The following SCUBE1 variants were observed in gnomAD, a reference collection of about 807,000 sequenced individuals.
SCUBE1 encodes the protein signal peptide, CUB and EGF-like domain-containing protein 1.
SCUBE1 carries 59 observed loss-of-function variants against 124.4 expected under a neutral mutation model. The ratio of observed to expected loss-of-function variants is 0.47; its 90% CI spans 0.38 to 0.59. The LOEUF is 0.59. Among genes scored for constraint, SCUBE1 ranks in the 20% least tolerant of loss-of-function variants. SCUBE1 has a pLI of 0.00. For synonymous variants in SCUBE1, 545 were observed against 550.9 expected, an observed-to-expected ratio of 0.99 and a Z score of 0.15; for missense variants, 1,150 against 1,371.2, an observed-to-expected ratio of 0.84 and a Z score of 2.55.
At chr22:43,221,823 G>C (rs1922102781) in intron 12 of SCUBE1, among the ~76,000 whole-genome samples, 1 of 152,164 alleles carries the variant, frequency 6.6e-6, no homozygotes, top group South Asian at 2.1e-4. Context: ...TAGCACTCTG[G>C]GAGGCCGAGG....
Position 43,210,822 on chromosome 22 carries a change from C to G in SCUBE1, c.2383+100G>C, listed in dbSNP as rs1468905741. ...GGACGGAGCGGGAGGAGTCCAGTGT[C>G]CTCGTGGAGCTCGTGTGAGATCAGG... On this transcript the variant is annotated intron_variant, in intron 18 of 21. Coordinates refer to ENST00000360835, the MANE Select transcript of SCUBE1 (RefSeq NM_173050.5). This position sits in a 1 kb window ranked among gnomAD's most constrained non-coding sequence, Gnocchi z 4.5. 2.1e-5 allele frequency: 29 copies of G among 1,398,412 alleles called. No individual in the cohort carries two copies. Among genetic ancestry groups the G allele is most frequent in the Non-Finnish European group, 2.9e-5 (29 of 1,002,302 alleles). The allele number at this position is 1,398,412 out of a possible 1,614,324, so 86.6% of individuals were successfully genotyped here.
intron 3 of SCUBE1, among the ~76,000 whole-genome samples, chr22:43,293,843 C>T (rs1925461105): frequency 6.6e-6 from 1 of 152,212 alleles, no homozygotes; most frequent in Admixed American, 6.5e-5. Context: ...GCTGAGTTCC[C>T]AGTGCAGAAA....
At chr22:43,216,889 T>A (rs1921839040) in intron 15 of SCUBE1, among the ~76,000 whole-genome samples, 1 of 77,170 alleles carries the variant, frequency 1.3e-5, no homozygotes, top group African/African-American at 5.5e-5. Context: ...GTGTCATCTC[T>A]TTACCAACAG....
At chr22:43,329,577 A>G (rs541051089) in intron 2 of SCUBE1, among the ~76,000 whole-genome samples, 20 of 152,336 alleles carry the variant, frequency 1.3e-4, no homozygotes, top group Non-Finnish European at 7.4e-5. Context: ...TCCTGGAGAG[A>G]GGGGTGCACC....
chr22:43,224,115 G>T (rs187224678), intron 10 of SCUBE1, among the ~76,000 whole-genome samples: 4 of 152,328 alleles, frequency 2.6e-5, no homozygotes, highest in African/African-American at 7.2e-5. Flanking sequence ...CTCATCCTTT[G>T]GTAATTCTGG....
Position 43,255,773 on chromosome 22 carries a change from G to A in SCUBE1, c.727+2446C>T, listed in dbSNP as rs928977988. Among the ~76,000 whole-genome samples, 1 of 152,146 alleles carries A rather than the reference G, an allele frequency of 6.6e-6. No homozygotes were observed. Among genetic ancestry groups the A allele is most frequent in the South Asian group, 2.1e-4 (1 of 4,836 alleles). ...GTTCAGGGCAAAGCAGAGAGGCAGCGAGGGCGGGGGCGGGGGGACGTGCAG... is the reference window on the plus strand; with the variant it reads ...GTTCAGGGCAAAGCAGAGAGGCAGCAAGGGCGGGGGCGGGGGGACGTGCAG... On this transcript the variant is annotated intron_variant, in intron 6 of 21. Coordinates refer to ENST00000360835, the MANE Select transcript of SCUBE1 (RefSeq NM_173050.5). This position sits in a 1 kb window ranked among gnomAD's most constrained non-coding sequence, Gnocchi z 4.7.
chr22:43,230,885 TGCACTGACAGGCAGAA>T (rs1922524311), intron 8 of SCUBE1, among the ~76,000 whole-genome samples: 1 of 152,178 alleles, frequency 6.6e-6, no homozygotes, highest in Non-Finnish European at 1.5e-5. Flanking sequence ...GCCCCTGAGC[TGCACTGACAGGCAGAA>T]GCACAGCCTG....
At chr22:43,254,717 C>A (rs1569507877) in intron 6 of SCUBE1, among the ~76,000 whole-genome samples, 1 of 152,230 alleles carries the variant, frequency 6.6e-6, no homozygotes, top group African/African-American at 2.4e-5. Flanking sequence ...TAGGCGACCA[C>A]AGCTACGCTC....
intron 6 of SCUBE1, among the ~76,000 whole-genome samples, chr22:43,254,395 C>T (rs541358150): frequency 1.3e-5 from 2 of 152,354 alleles, no homozygotes; most frequent in South Asian, 2.1e-4. Context: ...GGACCTCCCT[C>T]CTGCTTCCTC....
intron 17 of SCUBE1, 27 bp downstream of exon 17, chr22:43,212,398 C>T (rs759830264): frequency 1.2e-5 from 18 of 1,501,714 alleles, no homozygotes; most frequent in African/African-American, 7.0e-5. Context: ...TCGGGGTGGG[C>T]GGGCGTGGTG....
chr22:43,301,476 A>G (rs1299264749), intron 3 of SCUBE1, among the ~76,000 whole-genome samples: 1 of 151,944 alleles, frequency 6.6e-6, no homozygotes, highest in Admixed American at 6.5e-5. Context: ...TCCCATCTCC[A>G]GGCCTTGGCA....
intron 3 of SCUBE1, among the ~76,000 whole-genome samples, chr22:43,318,535 C>T (rs929807117): frequency 1.3e-5 from 2 of 152,050 alleles, no homozygotes; most frequent in African/African-American, 2.4e-5. Context: ...GCCTGAGGTA[C>T]GCATGATATT....
chr22:43,274,039 C>T (rs1288338115), intron 4 of SCUBE1, among the ~76,000 whole-genome samples: 1 of 151,830 alleles, frequency 6.6e-6, no homozygotes, highest in Non-Finnish European at 1.5e-5. Context: ...CTTCCCCGTT[C>T]CTCTCCCTTG....
At chr22:43,228,289 A>T (rs1190626991) in intron 9 of SCUBE1, among the ~76,000 whole-genome samples, 1 of 152,044 alleles carries the variant, frequency 6.6e-6, no homozygotes, top group Non-Finnish European at 1.5e-5. Context: ...ACTCCTAAAT[A>T]CATCTAGAAT....
At chr22:43,285,157 G>A (rs1001448126) in intron 4 of SCUBE1, among the ~76,000 whole-genome samples, 12 of 152,058 alleles carry the variant, frequency 7.9e-5, no homozygotes, top group African/African-American at 2.9e-4. Context: ...TCCCAAATGG[G>A]GGCTCTCATC....
At chr22:43,323,975 C>T (rs1164467647) in intron 2 of SCUBE1, among the ~76,000 whole-genome samples, 1 of 152,100 alleles carries the variant, frequency 6.6e-6, no homozygotes, top group East Asian at 1.9e-4. Context: ...AATGCCAAGA[C>T]AAAGAAAGAA....
At chr22:43,334,723 A>G (rs1278598078) in intron 2 of SCUBE1, among the ~76,000 whole-genome samples, 2 of 152,040 alleles carry the variant, frequency 1.3e-5, no homozygotes, top group Non-Finnish European at 2.9e-5. Context: ...CTCATCATCA[A>G]TAGCACCGTC....
At chr22:43,246,444 G>A (rs556884157) in intron 6 of SCUBE1, among the ~76,000 whole-genome samples, 20 of 152,318 alleles carry the variant, frequency 1.3e-4, no homozygotes, top group Non-Finnish European at 1.9e-4. Flanking sequence ...TGTGTGCCCA[G>A]GGAGGCTTGG....
intron 7 of SCUBE1, 104 bp from the exon 8 acceptor site, chr22:43,231,979 T>G: frequency 7.0e-7 from 1 of 1,422,048 alleles, no homozygotes. Flanking sequence ...CTGCCCTGAG[T>G]TGCCTGGTGC....
Sources: gnomAD v4.1 joint callset for allele counts (sites outside exome capture counted in the v4.1 genomes callset) on GRCh38, gnomAD v4.1.1 for gene constraint, Gnocchi (gnomAD v3.1) non-coding constraint, MANE v1.5 for transcripts, NCBI Gene and HGNC (gene_info 2026-07-23, HGNC 2026-07-21) for gene names.